BMPR1B: variants seen among roughly 807,000 people sequenced by gnomAD.
The protein encoded by BMPR1B is bone morphogenetic protein receptor type 1B.
BMPR1B carries 12 observed loss-of-function variants against 59.1 expected under a neutral mutation model. The ratio of observed to expected loss-of-function variants is 0.20; its 90% CI spans 0.13 to 0.33. The LOEUF (loss-of-function observed/expected upper bound fraction) is 0.33. BMPR1B is among the 10% of genes least tolerant of loss of function. BMPR1B has a pLI of 1.00. For synonymous variants in BMPR1B, 237 were observed against 207.3 expected (o/e 1.14, Z -1.23); for missense variants, 550 against 610.9 (o/e 0.90, Z 1.05).
intron 1 of BMPR1B, among the ~76,000 whole-genome samples, chr4:94,851,145 C>G (rs1473945218): frequency 6.6e-6 from 1 of 152,056 alleles, no homozygotes; most frequent in Non-Finnish European, 1.5e-5. Flanking sequence ...ATGCAAGCCC[C>G]TTTGGTAAAC....
intron 1 of BMPR1B, among the ~76,000 whole-genome samples, chr4:94,828,521 A>G (rs145478152): frequency 4.3e-4 from 65 of 152,348 alleles, no homozygotes; most frequent in African/African-American, 1.6e-3. Context: ...TGTTTGATAA[A>G]CAGTATAAAA....
chr4:95,016,250 A>T (rs1723579468), intron 3 of BMPR1B, among the ~76,000 whole-genome samples: 1 of 152,154 alleles, frequency 6.6e-6, no homozygotes, highest in African/African-American at 2.4e-5. Context: ...AGATATTACA[A>T]GTGTGATTTT....
intron 1 of BMPR1B, among the ~76,000 whole-genome samples, chr4:94,805,022 T>C (rs1370751355): frequency 2.0e-5 from 3 of 152,200 alleles, no homozygotes; most frequent in African/African-American, 4.8e-5. Context: ...TAATAACTAA[T>C]AGAACTTACT....
chr4:95,025,763 A>G (rs1724309785), intron 3 of BMPR1B, among the ~76,000 whole-genome samples: 1 of 152,182 alleles, frequency 6.6e-6, no homozygotes. Context: ...GAATTTTTTC[A>G]ATATATGTTA....
rs1182783733 is a variant in BMPR1B at position 95,006,099 on chromosome 4, C to T, written c.-18+9965C>T. Among the ~76,000 whole-genome samples the T allele has an allele frequency of 5.3e-5, 8 of 151,978 alleles. No individual in the cohort carries two copies. The East Asian group carries it at 9.7e-4, about 18-fold the overall frequency. On this transcript the variant is annotated intron_variant, in intron 3 of 12. Coordinates refer to ENST00000515059, the MANE Select transcript of BMPR1B (RefSeq NM_001203.3). ...CAGCCTGGCCAACATGGTGAAACCT[C>T]GTCTCTACTAAAAATACAAAAACTA...
At chr4:94,877,134 G>T (rs1383873899) in intron 2 of BMPR1B, among the ~76,000 whole-genome samples, 3 of 152,130 alleles carry the variant, frequency 2.0e-5, no homozygotes, top group Admixed American at 6.6e-5. Context: ...TTATGCCACT[G>T]TGCATAAAAA....
At chr4:94,923,125 A>G (rs1000332296) in intron 2 of BMPR1B, among the ~76,000 whole-genome samples, 1 of 152,098 alleles carries the variant, frequency 6.6e-6, no homozygotes, top group African/African-American at 2.4e-5. Flanking sequence ...TATCTTATAT[A>G]CTTTGTTTAT....
At position 95,154,659 on chromosome 4, in the gene BMPR1B, G is replaced by A; in HGVS notation, c.1495G>A (p.Asp499Asn). 6.2e-7 allele frequency: 1 copy of A among 1,614,066 alleles called. No homozygotes were observed. Among genetic ancestry groups the A allele is most frequent in the Non-Finnish European group, 8.5e-7 (1 of 1,179,966 alleles). The stretch of plus-strand genomic sequence containing the variant: ...ACTTGCCAAAATGTCAGAGTCCCAG[G>A]ACATTAAACTCTGATAGGAGAGGAA... ...KTLAKMSESQ[D>N]IKL Residue 499 changes from aspartate (D) to asparagine (N), a missense_variant, in exon 13 of 13, where the codon GAC (aspartate) becomes AAC (asparagine). Asp to Asn is a conservative substitution (Grantham distance 23). This residue lies in a region of BMPR1B where 123 missense variants were observed against 164.6 expected (regional missense o/e 0.75). Transcript: ENST00000515059.
chr4:95,113,906 T>G (rs1461253357), intron 4 of BMPR1B, among the ~76,000 whole-genome samples: 1 of 152,158 alleles, frequency 6.6e-6, no homozygotes, highest in African/African-American at 2.4e-5. Context: ...TTTCTTATTG[T>G]TGAGAGGATT....
intron 2 of BMPR1B, among the ~76,000 whole-genome samples, chr4:94,920,752 A>G (rs1460983318): frequency 6.6e-6 from 1 of 152,230 alleles, no homozygotes; most frequent in Non-Finnish European, 1.5e-5. Flanking sequence ...TACTCACTTC[A>G]TTACATTTTT....
chr4:94,767,034 C>T (rs1721996358), intron 1 of BMPR1B, among the ~76,000 whole-genome samples: 1 of 152,086 alleles, frequency 6.6e-6, no homozygotes. Context: ...AGTAGGTGAC[C>T]TCAGGTTGCT....
intron 2 of BMPR1B, among the ~76,000 whole-genome samples, chr4:94,946,995 C>T (rs948932449): frequency 5.3e-5 from 8 of 151,890 alleles, no homozygotes; most frequent in Admixed American, 1.3e-4. Flanking sequence ...GAGGTTGCAG[C>T]GAGCCGAGAT....
intron 1 of BMPR1B, among the ~76,000 whole-genome samples, chr4:94,834,329 T>A (rs1724714912): frequency 6.6e-6 from 1 of 152,158 alleles, no homozygotes; most frequent in South Asian, 2.1e-4. Context: ...TTCCATTAGT[T>A]CTTTCGTGAT....
chr4:94,832,569 G>A (rs1724642824), intron 1 of BMPR1B, among the ~76,000 whole-genome samples: 1 of 151,844 alleles, frequency 6.6e-6, no homozygotes, highest in Non-Finnish European at 1.5e-5. Context: ...ATCACTTGAG[G>A]TCAGGAATTC....
At chr4:94,894,385 C>A (rs944117840) in intron 2 of BMPR1B, among the ~76,000 whole-genome samples, 1 of 151,688 alleles carries the variant, frequency 6.6e-6, no homozygotes, top group Non-Finnish European at 1.5e-5. Context: ...AGCATTTATA[C>A]CTTCTTTCCC....
chr4:95,062,528 G>C (rs1727474564), intron 3 of BMPR1B, among the ~76,000 whole-genome samples: 1 of 152,100 alleles, frequency 6.6e-6, no homozygotes, highest in Non-Finnish European at 1.5e-5. Context: ...GAAGAATGGA[G>C]CATCTTTTTT....
At chr4:94,847,941 G>A (rs1725404532) in intron 1 of BMPR1B, among the ~76,000 whole-genome samples, 1 of 152,072 alleles carries the variant, frequency 6.6e-6, no homozygotes, top group Admixed American at 6.6e-5. Flanking sequence ...TTTGTAACAC[G>A]AAGAAATGAT....
chr4:95,110,264 C>CATCACTA (rs1731534596), intron 4 of BMPR1B, among the ~76,000 whole-genome samples: 1 of 151,890 alleles, frequency 6.6e-6, no homozygotes, highest in South Asian at 2.1e-4. Flanking sequence ...TGAGGGTCCG[C>CATCACTA]ATTGGGTGAA....
intron 2 of BMPR1B, among the ~76,000 whole-genome samples, chr4:94,965,184 TAAG>T (rs1193883619): frequency 6.6e-6 from 1 of 152,140 alleles, no homozygotes; most frequent in Admixed American, 6.5e-5. Flanking sequence ...ATTAAAATAA[TAAG>T]ACACATTCTT....
Sources: gnomAD v4.1 joint callset for allele counts (sites outside exome capture counted in the v4.1 genomes callset) on GRCh38, gnomAD v4.1.1 for gene constraint, gnomAD v4.1.1 regional missense constraint, MANE v1.5 for transcripts, NCBI Gene and HGNC (gene_info 2026-07-23, HGNC 2026-07-21) for gene names.